Variants in XPO1 observed in about 807,000 individuals in gnomAD.
XPO1 encodes the protein exportin 1, also known as exportin-1.
A neutral mutation model predicts 133.3 loss-of-function variants in XPO1; 5 were observed. The observed-to-expected ratio is 0.04, with a 90% CI of 0.02 to 0.08. The LOEUF (loss-of-function observed/expected upper bound fraction) is 0.08, where lower values mean the gene tolerates loss of function less well. Among genes scored for constraint, XPO1 ranks in the 10% least tolerant of loss-of-function variants. The pLI, the probability that XPO1 is intolerant of heterozygous loss-of-function variation, is 1.00. For missense variants in XPO1, 506 were observed against 1,267.5 expected, an observed-to-expected ratio of 0.40 and a Z score of 9.12; for synonymous variants, 419 against 408.2, an observed-to-expected ratio of 1.03 and a Z score of -0.32.
intron 6 of XPO1, among the ~76,000 whole-genome samples, chr2:61,500,690 T>C (rs1415984387): frequency 2.0e-5 from 3 of 151,508 alleles, no homozygotes; most frequent in African/African-American, 4.9e-5. Flanking sequence ...TCTCAGCTAC[T>C]GGGGAGGCCA....
chr2:61,528,729 T>TA (rs1699019631), intron 2 of XPO1, among the ~76,000 whole-genome samples: 1 of 98,900 alleles, frequency 1.0e-5, no homozygotes, highest in Non-Finnish European at 2.0e-5. Context: ...TGTCGACATT[T>TA]TATTTATATA....
rs765635837 is a variant in XPO1, at chr2:61,499,874, G to C, written c.429C>G (p.Pro143=). 22 of 1,608,734 alleles carry C rather than the reference G, an allele frequency of 1.4e-5. No homozygotes were observed. The highest frequency in any genetic ancestry group is 3.4e-5 in the Admixed American group (2 of 58,464). Residue 143 remains proline, a synonymous_variant, in exon 7 of 25, where the codon CCC becomes CCG. Transcript: ENST00000401558. The part of the protein sequence containing the change: ...ILVQILKQEW[P]KHWPTFISDI... Reference sequence around the variant, plus strand: ...CACTGATAAAAGTTGGCCAATGTTTGGGCCATTCTTGTTTCAGTATCTAAA... The same window carrying C: ...CACTGATAAAAGTTGGCCAATGTTTCGGCCATTCTTGTTTCAGTATCTAAA...
chr2:61,518,386 A>G (rs1269581178), intron 4 of XPO1, among the ~76,000 whole-genome samples: 1 of 145,274 alleles, frequency 6.9e-6, no homozygotes, highest in Non-Finnish European at 1.5e-5. Context: ...CCCCGTCTCT[A>G]CTAAAAAAAA....
intron 4 of XPO1, among the ~76,000 whole-genome samples, chr2:61,521,798 C>A (rs1698704367): frequency 6.6e-6 from 1 of 152,008 alleles, no homozygotes. Flanking sequence ...GCTCGTTGCC[C>A]AGGCTAGAGT....
At chr2:61,493,828 A>G in intron 12 of XPO1, 66 bp downstream of exon 12, 1 of 1,513,416 alleles carries the variant, frequency 6.6e-7, no homozygotes, top group Non-Finnish European at 9.1e-7. Flanking sequence ...GATTAGAAGT[A>G]TTTGGATTCA....
intron 4 of XPO1, among the ~76,000 whole-genome samples, chr2:61,520,518 G>A (rs1698637598): frequency 1.3e-5 from 2 of 152,038 alleles, no homozygotes; most frequent in South Asian, 4.1e-4. Context: ...AGGGCATGGT[G>A]GGGCATGCCT....
At chr2:61,535,661 T>C (rs1340297220) in intron 1 of XPO1, among the ~76,000 whole-genome samples, 1 of 152,204 alleles carries the variant, frequency 6.6e-6, no homozygotes. Context: ...TGATATGATG[T>C]AAAAATAATG....
intron 2 of XPO1, among the ~76,000 whole-genome samples, chr2:61,530,856 A>G (rs1292766113): frequency 6.6e-6 from 1 of 152,148 alleles, no homozygotes; most frequent in Non-Finnish European, 1.5e-5. Context: ...TTTAATTTTA[A>G]GCAATGAGTA....
At chr2:61,535,755 TAAAC>T (rs768208640) in intron 1 of XPO1, among the ~76,000 whole-genome samples, 43 of 152,158 alleles carry the variant, frequency 2.8e-4, no homozygotes, top group Non-Finnish European at 5.9e-4. Context: ...TAGTAGGCAT[TAAAC>T]AAACGTTTTT....
At chr2:61,491,515 CAAAAA>C (rs1339009454) in intron 16 of XPO1, among the ~76,000 whole-genome samples, 3 of 147,896 alleles carry the variant, frequency 2.0e-5, no homozygotes, top group African/African-American at 5.0e-5. Context: ...CAAAACAAAA[CAAAAA>C]ACACCTGATT....
At chr2:61,531,542 G>T (rs182880894) in intron 2 of XPO1, among the ~76,000 whole-genome samples, 1 of 152,252 alleles carries the variant, frequency 6.6e-6, no homozygotes, top group Admixed American at 6.5e-5. Flanking sequence ...CTCTATGTTG[G>T]TTTATTTATC....
chr2:61,518,433 C>A (rs1318069679), intron 4 of XPO1, among the ~76,000 whole-genome samples: 25 of 52,600 alleles, frequency 4.8e-4, no homozygotes, highest in Admixed American at 2.0e-3. Flanking sequence ...CACACACACA[C>A]ACACACACAC....
At chr2:61,499,129 C>T (rs755956822) in intron 7 of XPO1, among the ~76,000 whole-genome samples, 9 of 152,126 alleles carry the variant, frequency 5.9e-5, no homozygotes, top group Non-Finnish European at 7.3e-5. Context: ...ATGTTTAAAA[C>T]TTAATGGAAG....
chr2:61,491,434 G>A (rs1385593886), intron 16 of XPO1, among the ~76,000 whole-genome samples: 2 of 149,536 alleles, frequency 1.3e-5, no homozygotes, highest in African/African-American at 5.0e-5. Flanking sequence ...ATGGACGACA[G>A]AGTGAAACTC....
chr2:61,509,867 G>A (rs539842933), intron 4 of XPO1, among the ~76,000 whole-genome samples: 10 of 152,156 alleles, frequency 6.6e-5, no homozygotes, highest in South Asian at 2.1e-4. Flanking sequence ...ATCTAGTTTC[G>A]AATCAATTTC....
chr2:61,483,707 G>A (rs546011907), intron 21 of XPO1: 19 of 449,660 alleles, frequency 4.2e-5, no homozygotes, highest in Non-Finnish European at 7.1e-5. Context: ...TTTGTATTAC[G>A]CAAACCAATT....
intron 4 of XPO1, among the ~76,000 whole-genome samples, chr2:61,521,792 G>A (rs1430313759): frequency 1.3e-5 from 2 of 151,728 alleles, no homozygotes. Flanking sequence ...AGTTTCGCTC[G>A]TTGCCCAGGC....
chr2:61,534,043 G>A, intron 1 of XPO1, 140 bp from the exon 2 acceptor site: 3 of 797,246 alleles, frequency 3.8e-6, no homozygotes, highest in Non-Finnish European at 5.2e-6. Context: ...AGAAAACTGA[G>A]ATAGTAAAAG....
chr2:61,506,540 T>A (rs1697822798), intron 4 of XPO1, among the ~76,000 whole-genome samples: 1 of 129,994 alleles, frequency 7.7e-6, no homozygotes, highest in African/African-American at 3.0e-5. Context: ...CAGAGGTTGC[T>A]CTGAGCCAAG....
Sources: gnomAD v4.1 joint callset for allele counts (sites outside exome capture counted in the v4.1 genomes callset) on GRCh38, gnomAD v4.1.1 for gene constraint, MANE v1.5 for transcripts, NCBI Gene and HGNC (gene_info 2026-07-23, HGNC 2026-07-21) for gene names.